ATXN10: variants seen among roughly 807,000 people sequenced by gnomAD.
ATXN10 encodes the protein ataxin-10.
A neutral mutation model predicts 52.9 loss-of-function variants in ATXN10; 28 were observed. That is an observed-to-expected ratio of 0.53 (90% CI 0.39 to 0.73). ATXN10 has a LOEUF of 0.73. ATXN10 is among the 30% of genes least tolerant of loss of function. The pLI, the probability that ATXN10 is intolerant of heterozygous loss-of-function variation, is 0.00. For synonymous variants in ATXN10, 226 were observed against 221.5 expected, an observed-to-expected ratio of 1.02 and a Z score of -0.18; for missense variants, 565 against 577.0, an observed-to-expected ratio of 0.98 and a Z score of 0.21.
intron 1 of ATXN10, among the ~76,000 whole-genome samples, chr22:45,687,884 C>G (rs915776158): frequency 1.3e-5 from 2 of 152,258 alleles, no homozygotes; most frequent in African/African-American, 2.4e-5. Context: ...TGGTGAAACC[C>G]TGTCTCTACT....
In ATXN10 at chr22:45,718,582, GT is replaced by G. The variant is rs1449496478; in HGVS notation, c.728+91del. On this transcript the variant is annotated intron_variant, in intron 6 of 11. Coordinates refer to ENST00000252934, the MANE Select transcript of ATXN10 (RefSeq NM_013236.4). This position sits in a 1 kb window ranked among gnomAD's most constrained non-coding sequence, Gnocchi z 4.4. ...GACTGAAAAGCTGTGTGGTTTCTGA[GT>G]TGGCACAGAATCTCTAAATACATGT... 2 of 1,176,274 alleles carry G rather than the reference GT, an allele frequency of 1.7e-6. No homozygotes were observed. Among genetic ancestry groups the G allele is most frequent in the African/African-American group, 3.0e-5 (2 of 66,118 alleles). The allele number at this position is 1,176,274 out of a possible 1,614,324, so 72.9% of individuals were successfully genotyped here.
chr22:45,703,521 T>G (rs1883367112), intron 5 of ATXN10, among the ~76,000 whole-genome samples: 1 of 152,222 alleles, frequency 6.6e-6, no homozygotes. Flanking sequence ...CCACTTCTTC[T>G]GGGACTCCAT....
At chr22:45,771,892 G>C (rs1445598699) in intron 9 of ATXN10, among the ~76,000 whole-genome samples, 3 of 152,326 alleles carry the variant, frequency 2.0e-5, no homozygotes, top group Admixed American at 2.0e-4. Context: ...CTGAGGAGCT[G>C]AGCCTACAGG....
intron 3 of ATXN10, among the ~76,000 whole-genome samples, chr22:45,694,731 G>A (rs952536651): frequency 6.6e-6 from 1 of 151,750 alleles, no homozygotes; most frequent in Admixed American, 6.6e-5. Context: ...GTAGTGAGCC[G>A]AGATCGTGCC....
intron 9 of ATXN10, among the ~76,000 whole-genome samples, chr22:45,793,982 T>C (rs1345130077): frequency 6.6e-6 from 1 of 152,212 alleles, no homozygotes; most frequent in Non-Finnish European, 1.5e-5. Context: ...TCTGCACTCA[T>C]ATTTATACCC....
intron 9 of ATXN10, 47 bp from the exon 10 acceptor site, chr22:45,806,912 A>G (rs1928117122): frequency 2.8e-6 from 4 of 1,407,968 alleles, no homozygotes; most frequent in Non-Finnish European, 4.0e-6. Flanking sequence ...ATCTCTGACT[A>G]TAGCCATGCT....
Position 45,770,659 on chromosome 22 carries a change from G to A in ATXN10, c.1173+30121G>A, listed in dbSNP as rs1349118590. Among the ~76,000 whole-genome samples the A allele has an allele frequency of 6.6e-6, 1 of 152,192 alleles. No individual in the cohort carries two copies. Among genetic ancestry groups the A allele is most frequent in the Admixed American group, 6.5e-5 (1 of 15,282 alleles). ...TATGCGAGAGCCACTGATGGTTCTC[G>A]GCCTGTCTGAGGCAACAAACTTGTA... On this transcript the variant is annotated intron_variant, in intron 9 of 11. Coordinates refer to ENST00000252934, the MANE Select transcript of ATXN10 (RefSeq NM_013236.4). The surrounding 1 kb of genome is among the most constrained non-coding windows in gnomAD (Gnocchi z 4.5).
At chr22:45,817,628 A>G (rs1928509422) in intron 10 of ATXN10, among the ~76,000 whole-genome samples, 2 of 147,232 alleles carry the variant, frequency 1.4e-5, no homozygotes, top group South Asian at 2.2e-4. Context: ...CCCAGCCTTA[A>G]TTTTTTTTTT....
chr22:45,739,130 A>C (rs1037367381), intron 8 of ATXN10, among the ~76,000 whole-genome samples: 15 of 152,166 alleles, frequency 9.9e-5, no homozygotes, highest in Admixed American at 9.8e-4. Context: ...ATAGGATGTG[A>C]TGAAGAAGGT....
intron 9 of ATXN10, among the ~76,000 whole-genome samples, chr22:45,751,763 A>AAAAAATAATAATAATAAT: frequency 1.3e-3 from 86 of 66,556 alleles, no homozygotes; most frequent in South Asian, 5.3e-3. Flanking sequence ...AATAAAAAAA[A>AAAAAATAATAATAATAAT]AATAATAATA....
At position 45,828,153 on chromosome 22, in the gene ATXN10, C is replaced by A. The variant is rs1056058884; in HGVS notation, c.1238-14838C>A. On this transcript the variant is annotated intron_variant, in intron 10 of 11. Coordinates refer to ENST00000252934, the MANE Select transcript of ATXN10 (RefSeq NM_013236.4). The surrounding 1 kb of genome is among the most constrained non-coding windows in gnomAD (Gnocchi z 4.5). ...ATTGCTGGAGGCCAGGAGTTCAGGACCTGCCTGGGCAACATGGTGAAGCCC... is the reference window on the plus strand; with the variant it reads ...ATTGCTGGAGGCCAGGAGTTCAGGAACTGCCTGGGCAACATGGTGAAGCCC... 1.3e-5 allele frequency among the ~76,000 whole-genome samples: 2 copies of A among 151,564 alleles called. No homozygotes were observed. The highest frequency in any genetic ancestry group is 2.9e-5 in the Non-Finnish European group (2 of 67,958).
chr22:45,740,377 C>G lies in ATXN10; in HGVS notation c.1012C>G (p.Arg338Gly), dbSNP rs368100602. ...TACTCTTTTGGTTATAGATCTTTTGCGGGTGATTCATGTAGCTGGAAAAGA... is the reference window on the plus strand; with the variant it reads ...TACTCTTTTGGTTATAGATCTTTTGGGGGTGATTCATGTAGCTGGAAAAGA... ...GLLERVIDLL[R>G]VIHVAGKETT... The change falls in exon 9 of 12, where the codon CGG becomes GGG. Residue 338 changes from arginine (R) to glycine (G), a missense_variant. By Grantham distance (125) the Arg-to-Gly change is moderately radical. Coordinates refer to ENST00000252934, the MANE Select transcript of ATXN10 (RefSeq NM_013236.4). 1.9e-6 allele frequency: 3 copies of G among 1,613,576 alleles called. No individual in the cohort carries two copies. The highest frequency in any genetic ancestry group is 2.5e-6 in the Non-Finnish European group (3 of 1,179,766).
chr22:45,766,169 C>T lies in ATXN10; in HGVS notation c.1173+25631C>T, dbSNP rs557670178. Among the ~76,000 whole-genome samples the T allele has an allele frequency of 6.5e-4, 99 of 152,278 alleles. No individual in the cohort carries two copies. Among genetic ancestry groups the T allele is most frequent in the Non-Finnish European group, 1.0e-3 (70 of 68,020 alleles). ...TAAAAAGTATGGGGACAAGGATATC[C>T]GCTACCTTTAGATCAGGGGTTCCCC... On this transcript the variant is annotated intron_variant, in intron 9 of 11. Transcript: ENST00000252934. The surrounding 1 kb of genome is among the most constrained non-coding windows in gnomAD (Gnocchi z 4.6).
chr22:45,796,061 C>T (rs1601651962), intron 9 of ATXN10, among the ~76,000 whole-genome samples: 1 of 152,228 alleles, frequency 6.6e-6, no homozygotes, highest in Admixed American at 6.5e-5. Context: ...TCTCTTCTTT[C>T]AGAAAGTGAC....
Position 45,819,608 on chromosome 22 carries a change from C to T in ATXN10, c.1237+12586C>T, listed in dbSNP as rs1279613542. Among the ~76,000 whole-genome samples, 5 of 152,210 alleles carry T rather than the reference C, an allele frequency of 3.3e-5. No homozygotes were observed. Among genetic ancestry groups the T allele is most frequent in the African/African-American group, 1.2e-4 (5 of 41,452 alleles). The stretch of plus-strand genomic sequence containing the variant: ...AGTCCCATGCAGGAAGCTTTACCTT[C>T]AGGAAAGCTGCTGGATTGAGACTGG... On this transcript the variant is annotated intron_variant, in intron 10 of 11. Coordinates refer to ENST00000252934, the MANE Select transcript of ATXN10 (RefSeq NM_013236.4). This position sits in a 1 kb window ranked among gnomAD's most constrained non-coding sequence, Gnocchi z 4.5.
intron 10 of ATXN10, among the ~76,000 whole-genome samples, chr22:45,839,636 G>A (rs1010476855): frequency 2.0e-5 from 3 of 152,146 alleles, no homozygotes; most frequent in Admixed American, 2.0e-4. Context: ...TTAAAATACC[G>A]TGGTAACAGT....
rs1924971748 is a variant in ATXN10, at chr22:45,728,756, T to C, written c.729-669T>C. Among the ~76,000 whole-genome samples the C allele has an allele frequency of 6.6e-6, 1 of 152,244 alleles. No individual in the cohort carries two copies. The highest frequency in any genetic ancestry group is 2.4e-5 in the African/African-American group (1 of 41,474). On this transcript the variant is annotated intron_variant, in intron 6 of 11. Transcript: ENST00000252934. This position sits in a 1 kb window ranked among gnomAD's most constrained non-coding sequence, Gnocchi z 4.3. ...AAAGAGATGGTTGAAAAGAAATATT[T>C]ATTTGGTAACTTATATATTGATGTA... is the stretch of plus-strand genomic sequence containing the variant.
rs944416146 is a variant in ATXN10 at position 45,841,390 on chromosome 22, G to C, written c.1238-1601G>C. Among the ~76,000 whole-genome samples the C allele has an allele frequency of 3.3e-5, 5 of 152,236 alleles. No homozygotes were observed. Among genetic ancestry groups the C allele is most frequent in the African/African-American group, 1.2e-4 (5 of 41,466 alleles). On this transcript the variant is annotated intron_variant, in intron 10 of 11. Transcript: ENST00000252934. The surrounding 1 kb of genome is among the most constrained non-coding windows in gnomAD (Gnocchi z 5.1). ...GATGCTAAACCTCCAAAGACCAGCA[G>C]GTCATTCACTCAGCACATGTTGGTT...
At chr22:45,716,540 A>G (rs1045161971) in intron 5 of ATXN10, among the ~76,000 whole-genome samples, 2 of 151,866 alleles carry the variant, frequency 1.3e-5, no homozygotes, top group African/African-American at 2.4e-5. Context: ...GGGTTTCACT[A>G]TGCTGTGTTG....
Sources: gnomAD v4.1 joint callset for allele counts (sites outside exome capture counted in the v4.1 genomes callset) on GRCh38, gnomAD v4.1.1 for gene constraint, Gnocchi (gnomAD v3.1) non-coding constraint, MANE v1.5 for transcripts, NCBI Gene and HGNC (gene_info 2026-07-23, HGNC 2026-07-21) for gene names.